FGF12: variants seen among roughly 807,000 people sequenced by gnomAD.
FGF12 encodes fibroblast growth factor 12.
A neutral mutation model predicts 23.6 loss-of-function variants in FGF12; 14 were observed. The ratio of observed to expected loss-of-function variants is 0.59; its 90% confidence interval spans 0.39 to 0.93. The LOEUF (loss-of-function observed/expected upper bound fraction) is 0.93. FGF12 is among the 40% of genes least tolerant of loss of function. FGF12 has a pLI of 0.00. For synonymous variants in FGF12, 62 were observed against 77.3 expected (o/e 0.80, Z 1.04); for missense variants, 175 against 217.8 (o/e 0.80, Z 1.24).
intron 4 of FGF12, among the ~76,000 whole-genome samples, chr3:192,175,265 AATC>A (rs1443116126): frequency 6.6e-6 from 1 of 152,152 alleles, no homozygotes; most frequent in African/African-American, 2.4e-5. Context: ...CAGAGTAAAT[AATC>A]AGTATAATAA....
intron 2 of FGF12, among the ~76,000 whole-genome samples, chr3:192,449,239 T>C (rs1722450553): frequency 6.6e-6 from 1 of 152,214 alleles, no homozygotes. Context: ...TAGAGGGTGC[T>C]GGAGGAAGTG....
intron 2 of FGF12, among the ~76,000 whole-genome samples, chr3:192,370,305 TA>T (rs1289317261): frequency 6.6e-6 from 1 of 152,212 alleles, no homozygotes; most frequent in African/African-American, 2.4e-5. Context: ...ATGCCACGTG[TA>T]TGTGCCACTC....
At chr3:192,657,529 T>C (rs1716483752) in intron 2 of FGF12, among the ~76,000 whole-genome samples, 2 of 152,088 alleles carry the variant, frequency 1.3e-5, no homozygotes, top group Admixed American at 1.3e-4. Context: ...GAGCTGAGAC[T>C]ATACAAGCTT....
chr3:192,443,097 C>T (rs1395012836), intron 2 of FGF12, among the ~76,000 whole-genome samples: 1 of 152,088 alleles, frequency 6.6e-6, no homozygotes, highest in Non-Finnish European at 1.5e-5. Flanking sequence ...CGTGAGTCAC[C>T]GTGCCCGGCC....
In FGF12 at chr3:192,338,216, T is replaced by C. The variant is rs373149001; in HGVS notation, c.125-2752A>G. 7.2e-5 allele frequency among the ~76,000 whole-genome samples: 11 copies of C among 152,206 alleles called. No homozygotes were observed. The East Asian group carries it at 1.7e-3, about 24-fold the overall frequency. ...CTCCTGCCTCAGCCTCCAGAGTAGC[T>C]GCTATTATAGGCGCCTGCCACCACA... is the stretch of plus-strand genomic sequence containing the variant. On this transcript the variant is annotated intron_variant, in intron 3 of 5. Transcript: ENST00000445105.
intron 5 of FGF12, among the ~76,000 whole-genome samples, chr3:192,148,572 A>G (rs1560167090): frequency 2.0e-5 from 3 of 152,238 alleles, no homozygotes; most frequent in African/African-American, 7.2e-5. Flanking sequence ...GCAATGAAAC[A>G]TATACTTAAA....
At chr3:192,640,569 A>C (rs1268540708) in intron 2 of FGF12, among the ~76,000 whole-genome samples, 1 of 152,176 alleles carries the variant, frequency 6.6e-6, no homozygotes, top group Non-Finnish European at 1.5e-5. Context: ...TATAGGAGGA[A>C]AAGTGAGGTT....
chr3:192,612,257 G>C (rs1714575612), intron 2 of FGF12, among the ~76,000 whole-genome samples: 1 of 151,836 alleles, frequency 6.6e-6, no homozygotes, highest in African/African-American at 2.4e-5. Flanking sequence ...TATCTACCTG[G>C]ATTTTTTTTA....
intron 2 of FGF12, among the ~76,000 whole-genome samples, chr3:192,718,211 G>A (rs546256365): frequency 7.0e-6 from 1 of 143,254 alleles, no homozygotes; most frequent in African/African-American, 2.7e-5. Flanking sequence ...GTTAGGGCTG[G>A]CAGAGAGAAG....
intron 4 of FGF12, among the ~76,000 whole-genome samples, chr3:192,317,183 T>A (rs866147102): frequency 6.6e-6 from 1 of 151,862 alleles, no homozygotes. Context: ...AGAGACTCCT[T>A]CTGCTTGAGA....
At chr3:192,650,348 T>A (rs1485221156) in intron 2 of FGF12, among the ~76,000 whole-genome samples, 1 of 152,234 alleles carries the variant, frequency 6.6e-6, no homozygotes, top group Non-Finnish European at 1.5e-5. Flanking sequence ...GAATATGCCA[T>A]ACTGTTTCAC....
chr3:192,721,506 C>T (rs1243769148), intron 2 of FGF12, among the ~76,000 whole-genome samples: 3 of 152,008 alleles, frequency 2.0e-5, no homozygotes, highest in African/African-American at 7.3e-5. Context: ...GTTTCACGAA[C>T]GTTATTTATG....
intron 2 of FGF12, among the ~76,000 whole-genome samples, chr3:192,583,157 C>A (rs1211224048): frequency 6.6e-6 from 1 of 152,140 alleles, no homozygotes; most frequent in African/African-American, 2.4e-5. Flanking sequence ...AGTTTGCTAT[C>A]TAATTATACA....
At chr3:192,504,563 G>A (rs1724237568) in intron 2 of FGF12, among the ~76,000 whole-genome samples, 1 of 152,130 alleles carries the variant, frequency 6.6e-6, no homozygotes, top group Admixed American at 6.5e-5. Flanking sequence ...TGAGATCGGG[G>A]GGAAATTGAA....
At chr3:192,542,936 C>G (rs576432555) in intron 2 of FGF12, among the ~76,000 whole-genome samples, 1 of 152,238 alleles carries the variant, frequency 6.6e-6, no homozygotes, top group African/African-American at 2.4e-5. Flanking sequence ...ACTATTAGGA[C>G]TGTGCTGGGT....
At chr3:192,312,206 TTA>T (rs1260999280) in intron 4 of FGF12, among the ~76,000 whole-genome samples, 1 of 152,108 alleles carries the variant, frequency 6.6e-6, no homozygotes, top group Non-Finnish European at 1.5e-5. Flanking sequence ...TGGTTGTGCT[TTA>T]GATGTTATAT....
chr3:192,223,524 C>A (rs1718577113), intron 4 of FGF12, among the ~76,000 whole-genome samples: 2 of 152,108 alleles, frequency 1.3e-5, no homozygotes, highest in Admixed American at 6.6e-5. Context: ...TAATGTTATG[C>A]CTTTTTAGCA....
At chr3:192,146,272 A>ATATAT (rs746233904) in intron 5 of FGF12, among the ~76,000 whole-genome samples, 22 of 143,278 alleles carry the variant, frequency 1.5e-4, no homozygotes, top group South Asian at 4.4e-4. Context: ...TAAAGTGTAT[A>ATATAT]TTTTTTTTTT....
At chr3:192,401,095 C>T (rs1720742761) in intron 2 of FGF12, among the ~76,000 whole-genome samples, 1 of 152,092 alleles carries the variant, frequency 6.6e-6, no homozygotes, top group African/African-American at 2.4e-5. Flanking sequence ...AATAATAAGC[C>T]CCACTGTGTT....
Sources: allele counts gnomAD v4.1 joint callset (sites outside exome capture counted in the v4.1 genomes callset), GRCh38; gene constraint gnomAD v4.1.1; transcripts MANE v1.5; gene names NCBI Gene and HGNC (gene_info 2026-07-23, HGNC 2026-07-21).